Variants in ATP13A4 observed in about 807,000 individuals in gnomAD.
ATP13A4 encodes ATPase 13A4.
ATP13A4 carries 114 observed loss-of-function variants against 142.5 expected under a neutral mutation model. The observed-to-expected ratio is 0.80, with a 90% CI of 0.69 to 0.93. ATP13A4 has a LOEUF of 0.93. Ranked by LOEUF, ATP13A4 falls within the 40% of genes least tolerant of loss-of-function variation. The pLI is 0.00. For synonymous variants in ATP13A4, 488 were observed against 514.8 expected (o/e 0.95, Z 0.70); for missense variants, 1,392 against 1,454.0 (o/e 0.96, Z 0.69).
intron 8 of ATP13A4, among the ~76,000 whole-genome samples, chr3:193,479,172 G>C (rs1719145463): frequency 6.6e-6 from 1 of 152,062 alleles, no homozygotes; most frequent in South Asian, 2.1e-4. Context: ...TACTGAATGG[G>C]GAAAAGTTGA....
intron 21 of ATP13A4, 104 bp downstream of exon 21, chr3:193,440,454 A>G: frequency 6.3e-7 from 1 of 1,576,552 alleles, no homozygotes; most frequent in African/African-American, 1.3e-5. Flanking sequence ...CGAAGTACGG[A>G]CCACTGCCCT....
At chr3:193,503,425 T>C (rs961345219) in intron 2 of ATP13A4, among the ~76,000 whole-genome samples, 1 of 152,236 alleles carries the variant, frequency 6.6e-6, no homozygotes, top group African/African-American at 2.4e-5. Flanking sequence ...TAGAGACCTA[T>C]TTGACAGTGG....
At chr3:193,570,641 C>T (rs537047512) in intron 2 of ATP13A4, among the ~76,000 whole-genome samples, 7 of 152,132 alleles carry the variant, frequency 4.6e-5, no homozygotes, top group Non-Finnish European at 1.0e-4. Context: ...TTTCCTCATA[C>T]AATTAAACTC....
At chr3:193,532,030 A>G (rs1438610887) in intron 1 of ATP13A4, among the ~76,000 whole-genome samples, 2 of 152,112 alleles carry the variant, frequency 1.3e-5, no homozygotes, top group African/African-American at 4.8e-5. Context: ...AGGTGAGACT[A>G]CCAACCATAT....
chr3:193,462,715 A>G lies in ATP13A4; in HGVS notation c.1523+47T>C. The G allele has an allele frequency of 1.3e-6, 2 of 1,566,906 alleles. 1 individual carries two copies. Among genetic ancestry groups the G allele is most frequent in the South Asian group, 2.2e-5 (2 of 89,760 alleles). On this transcript the variant is annotated intron_variant, in intron 13 of 29. Transcript: ENST00000342695. ...TCAAGAGAAAACACGGAATTTTGGAAAAAGAGACACTAGAATGCATTTAGT... is the reference window on the plus strand; with the variant it reads ...TCAAGAGAAAACACGGAATTTTGGAGAAAGAGACACTAGAATGCATTTAGT...
chr3:193,407,479 A>C, intron 28 of ATP13A4, 86 bp from the exon 29 acceptor site: 1 of 1,068,530 alleles, frequency 9.4e-7, no homozygotes, highest in Non-Finnish European at 1.4e-6. Flanking sequence ...ATATTTTCCT[A>C]GGTTATAAAT....
intron 7 of ATP13A4, among the ~76,000 whole-genome samples, chr3:193,489,002 C>T (rs1001633795): frequency 2.0e-5 from 3 of 151,986 alleles, no homozygotes; most frequent in African/African-American, 7.3e-5. Flanking sequence ...ATTTGGCACT[C>T]GGAAAGTGGG....
chr3:193,537,324 C>T (rs1722641262), intron 1 of ATP13A4, among the ~76,000 whole-genome samples: 1 of 151,900 alleles, frequency 6.6e-6, no homozygotes, highest in Non-Finnish European at 1.5e-5. Flanking sequence ...GACACATACG[C>T]AAAAGCAAGA....
At chr3:193,458,434 TG>T (rs1413508709) in intron 14 of ATP13A4, among the ~76,000 whole-genome samples, 5 of 152,330 alleles carry the variant, frequency 3.3e-5, no homozygotes, top group Non-Finnish European at 4.4e-5. Flanking sequence ...CTTCATTTTA[TG>T]GTCATGAGAG....
At chr3:193,537,434 T>C (rs1722646120) in intron 1 of ATP13A4, among the ~76,000 whole-genome samples, 1 of 152,168 alleles carries the variant, frequency 6.6e-6, no homozygotes, top group African/African-American at 2.4e-5. Flanking sequence ...TATTAACTCA[T>C]AATGGATCAC....
At chr3:193,476,636 C>A (rs1350483710) in intron 8 of ATP13A4, among the ~76,000 whole-genome samples, 1 of 152,106 alleles carries the variant, frequency 6.6e-6, no homozygotes, top group Non-Finnish European at 1.5e-5. Context: ...CCTCACTAAG[C>A]TTAATCATTT....
At chr3:193,413,645 T>C (rs1436630806) in intron 26 of ATP13A4, among the ~76,000 whole-genome samples, 1 of 152,144 alleles carries the variant, frequency 6.6e-6, no homozygotes, top group Non-Finnish European at 1.5e-5. Flanking sequence ...GTCTGTCTTA[T>C]GTGGTTGAGA....
rs756123095 is a variant in ATP13A4 at position 193,411,035 on chromosome 3, C to T, written c.3244G>A (p.Val1082Ile). 8 of 1,610,978 alleles carry T rather than the reference C, an allele frequency of 5.0e-6. No homozygotes were observed. The highest frequency in any genetic ancestry group is 5.9e-6 in the Non-Finnish European group (7 of 1,177,438). ...TCAGCAAATAGAATGAATAGACATA[C>T]ACCAAGCTGTATTATCAGCACAAGG... ...FVLVLIIQLG[V>I]CLFILFADIP... Residue 1082 changes from valine (V) to isoleucine (I), a missense_variant, in exon 28 of 30, where the codon GTA becomes ATA. Coordinates refer to ENST00000342695, the MANE Select transcript of ATP13A4 (RefSeq NM_032279.4).
At chr3:193,458,813 A>T (rs1717783556) in intron 14 of ATP13A4, 1 of 606,348 alleles carries the variant, frequency 1.6e-6, no homozygotes, top group East Asian at 2.7e-5. Context: ...TATTAATATG[A>T]TCGAACCTTT....
In ATP13A4 at chr3:193,491,333, T is replaced by A; in HGVS notation, c.599A>T (p.Lys200Met). 6.3e-7 allele frequency: 1 copy of A among 1,596,944 alleles called. No individual in the cohort carries two copies. Residue 200 changes from lysine to methionine, a missense_variant, in exon 6 of 30, where the codon AAG (lysine) becomes ATG (methionine). By Grantham distance (95) the Lys-to-Met change is moderately conservative (BLOSUM62 -1). Coordinates refer to ENST00000342695, the MANE Select transcript of ATP13A4 (RefSeq NM_032279.4). ...EVTPIWKLLI[K>M]EVLNPFYIFQ... is the part of the protein sequence containing the mutation. ...AGAAAATGCTGGAGAAATTACCTCCTTGATGAGCAGTTTCCAAATTGGTGT... is the reference window on the plus strand; with the variant it reads ...AGAAAATGCTGGAGAAATTACCTCCATGATGAGCAGTTTCCAAATTGGTGT...
intron 8 of ATP13A4, among the ~76,000 whole-genome samples, chr3:193,474,050 T>C (rs1011970875): frequency 3.3e-5 from 5 of 152,036 alleles, no homozygotes; most frequent in African/African-American, 9.7e-5. Context: ...CCAGGCGCGG[T>C]GGCTCACACC....
At chr3:193,465,902 A>C in intron 11 of ATP13A4, 123 bp downstream of exon 11, 2 of 1,154,280 alleles carry the variant, frequency 1.7e-6, no homozygotes, top group Non-Finnish European at 2.6e-6. Flanking sequence ...ATACGTAGGC[A>C]TCAGTGCTTG....
At chr3:193,566,610 T>C (rs1455595941) in intron 2 of ATP13A4, among the ~76,000 whole-genome samples, 4 of 152,176 alleles carry the variant, frequency 2.6e-5, no homozygotes, top group African/African-American at 4.8e-5. Flanking sequence ...TATTGGAGCA[T>C]GAGCCCTGGT....
intron 8 of ATP13A4, among the ~76,000 whole-genome samples, chr3:193,474,344 A>AAAAAC (rs1560213836): frequency 2.9e-5 from 3 of 101,790 alleles, no homozygotes; most frequent in African/African-American, 4.1e-5. Flanking sequence ...AAAAAAAAAA[A>AAAAAC]AAACAAACAA....
Sources: allele counts gnomAD v4.1 joint callset (sites outside exome capture counted in the v4.1 genomes callset), GRCh38; gene constraint gnomAD v4.1.1; transcripts MANE v1.5; gene names NCBI Gene and HGNC (gene_info 2026-07-23, HGNC 2026-07-21).